CNTN4: variants seen among roughly 807,000 people sequenced by gnomAD.
CNTN4 encodes the protein contactin-4.
In CNTN4, 77 loss-of-function variants were observed where a neutral mutation model predicts 122.5. The ratio of observed to expected loss-of-function variants is 0.63; its 90% CI spans 0.52 to 0.76. The LOEUF is 0.76. CNTN4 is among the 30% of genes least tolerant of loss of function. CNTN4 has a pLI of 0.00. For synonymous variants in CNTN4, 512 were observed against 447.0 expected, an observed-to-expected ratio of 1.15 and a Z score of -1.83; for missense variants, 1,256 against 1,259.1, an observed-to-expected ratio of 1.00 and a Z score of 0.04.
intron 2 of CNTN4, among the ~76,000 whole-genome samples, chr3:2,231,187 C>A (rs1248988413): frequency 1.3e-5 from 2 of 152,254 alleles, no homozygotes; most frequent in East Asian, 3.9e-4. Context: ...ACTTTACACT[C>A]ATTTTTTGCT....
chr3:2,931,457 C>A (rs569879999), intron 13 of CNTN4, among the ~76,000 whole-genome samples: 10 of 152,270 alleles, frequency 6.6e-5, no homozygotes, highest in African/African-American at 2.4e-4. Context: ...GAGGTGCCTG[C>A]AAGTGGTGAC....
chr3:2,182,142 G>A (rs182701382), intron 2 of CNTN4, among the ~76,000 whole-genome samples: 1 of 152,178 alleles, frequency 6.6e-6, no homozygotes, highest in East Asian at 1.9e-4. Flanking sequence ...TCTGAGGTTG[G>A]AATTCTCAGC....
At chr3:2,617,723 G>A (rs994923939) in intron 4 of CNTN4, among the ~76,000 whole-genome samples, 4 of 151,880 alleles carry the variant, frequency 2.6e-5, no homozygotes, top group African/African-American at 4.8e-5. Context: ...TGGCCGACCC[G>A]AGAAATGCCC....
chr3:2,446,988 G>A (rs1479667128), intron 3 of CNTN4, among the ~76,000 whole-genome samples: 1 of 152,142 alleles, frequency 6.6e-6, no homozygotes, highest in Non-Finnish European at 1.5e-5. Context: ...AGAACAACAT[G>A]AACGGCAAAG....
intron 4 of CNTN4, among the ~76,000 whole-genome samples, chr3:2,645,899 A>G (rs1159689850): frequency 6.6e-6 from 1 of 152,242 alleles, no homozygotes; most frequent in African/African-American, 2.4e-5. Context: ...ATGCACAGAA[A>G]TGAAATCTGT....
At chr3:2,971,350 G>GTCTA (rs71058657) in intron 13 of CNTN4, among the ~76,000 whole-genome samples, 298 of 150,480 alleles carry the variant, frequency 2.0e-3, no homozygotes, top group East Asian at 0.011. Flanking sequence ...CTGTCTGTCT[G>GTCTA]TCTATCTATC....
At chr3:2,360,265 T>C (rs1191429396) in intron 3 of CNTN4, among the ~76,000 whole-genome samples, 1 of 152,162 alleles carries the variant, frequency 6.6e-6, no homozygotes, top group Non-Finnish European at 1.5e-5. Flanking sequence ...CATAAATTAA[T>C]GATTAATTTT....
chr3:2,322,076 A>C (rs1379200941), intron 2 of CNTN4, among the ~76,000 whole-genome samples: 2 of 152,100 alleles, frequency 1.3e-5, no homozygotes, highest in African/African-American at 4.8e-5. Context: ...AAAATTCTCT[A>C]CTTATGCCAC....
intron 2 of CNTN4, among the ~76,000 whole-genome samples, chr3:2,177,408 G>A (rs912350513): frequency 2.0e-5 from 3 of 151,952 alleles, no homozygotes; most frequent in Non-Finnish European, 2.9e-5. Context: ...TGGCACACTT[G>A]TCTCCCCAGT....
chr3:2,354,478 C>T (rs2044783374), intron 3 of CNTN4, among the ~76,000 whole-genome samples: 1 of 152,174 alleles, frequency 6.6e-6, no homozygotes, highest in Non-Finnish European at 1.5e-5. Flanking sequence ...TTACCGTGAG[C>T]CCAGATCGCA....
chr3:2,175,157 G>T (rs756787619), intron 2 of CNTN4, among the ~76,000 whole-genome samples: 1 of 152,184 alleles, frequency 6.6e-6, no homozygotes, highest in Non-Finnish European at 1.5e-5. Context: ...GATCTCTAAT[G>T]AATGTGTTAT....
At chr3:2,147,328 A>G in intron 2 of CNTN4, among the ~76,000 whole-genome samples, 1 of 152,044 alleles carries the variant, frequency 6.6e-6, no homozygotes, top group Non-Finnish European at 1.5e-5. Flanking sequence ...GATTTTAACT[A>G]TGTGTGTTCT....
chr3:2,186,265 C>CT (rs572640968), intron 2 of CNTN4, among the ~76,000 whole-genome samples: 9,073 of 152,124 alleles, frequency 0.06, 290 homozygotes, highest in Middle Eastern at 0.099. Context: ...TGAACTCATC[C>CT]TTTTTTATGG....
chr3:2,558,485 T>TA (rs1351927722), intron 3 of CNTN4, among the ~76,000 whole-genome samples: 1 of 152,156 alleles, frequency 6.6e-6, no homozygotes, highest in African/African-American at 2.4e-5. Context: ...CCTTTTTTTT[T>TA]ATTGATGTCA....
rs17016522 is a variant in CNTN4, at chr3:2,560,831, T to A, written c.-88-10585T>A. ...CTGTATCGTACTGCACGTCAGTTAC[T>A]AGATGTTCAGTCACTAATTTGTAAG... On this transcript the variant is annotated intron_variant, in intron 3 of 24. Coordinates refer to ENST00000418658, the MANE Select transcript of CNTN4 (RefSeq NM_175607.3). 1.6e-3 allele frequency among the ~76,000 whole-genome samples: 246 copies of A among 152,324 alleles called. 1 individual carries two copies. The highest frequency in any genetic ancestry group is 5.7e-3 in the African/African-American group (239 of 41,578).
intron 2 of CNTN4, among the ~76,000 whole-genome samples, chr3:2,298,447 C>T (rs1047788524): frequency 6.6e-6 from 1 of 152,074 alleles, no homozygotes; most frequent in African/African-American, 2.4e-5. Context: ...AAAATAGTTT[C>T]CCAATTGCAT....
chr3:2,557,611 T>C (rs1420503873), intron 3 of CNTN4, among the ~76,000 whole-genome samples: 2 of 152,038 alleles, frequency 1.3e-5, no homozygotes, highest in South Asian at 2.1e-4. Context: ...CGCCTGTAGT[T>C]CCAGCTACTC....
intron 9 of CNTN4, among the ~76,000 whole-genome samples, chr3:2,883,683 T>C (rs1027637705): frequency 6.6e-6 from 1 of 152,208 alleles, no homozygotes; most frequent in Non-Finnish European, 1.5e-5. Flanking sequence ...AAACTCTCAG[T>C]CTCTTCTCTC....
chr3:2,411,662 C>T (rs2047231207), intron 3 of CNTN4, among the ~76,000 whole-genome samples: 1 of 152,110 alleles, frequency 6.6e-6, no homozygotes. Context: ...CTTCCTCCCT[C>T]CTGCTCTTTC....
Sources: allele counts gnomAD v4.1 joint callset (sites outside exome capture counted in the v4.1 genomes callset), GRCh38; gene constraint gnomAD v4.1.1; transcripts MANE v1.5; gene names NCBI Gene and HGNC (gene_info 2026-07-23, HGNC 2026-07-21).